CCSER1: variants seen among roughly 807,000 people sequenced by gnomAD.
CCSER1 encodes the protein serine-rich coiled-coil domain-containing protein 1.
Under a neutral mutation model 82.0 loss-of-function variants are expected in CCSER1, and 41 were observed. The ratio of observed to expected loss-of-function variants is 0.50; its 90% CI spans 0.39 to 0.65. The LOEUF (loss-of-function observed/expected upper bound fraction) is 0.65. Among genes scored for constraint, CCSER1 ranks in the 30% least tolerant of loss-of-function variants. CCSER1 has a pLI of 0.00. For synonymous variants in CCSER1, 414 were observed against 383.9 expected, an observed-to-expected ratio of 1.08 and a Z score of -0.92; for missense variants, 1,119 against 1,064.2, an observed-to-expected ratio of 1.05 and a Z score of -0.72.
chr4:90,998,030 T>A (rs1190475847), intron 9 of CCSER1, among the ~76,000 whole-genome samples: 2 of 152,174 alleles, frequency 1.3e-5, no homozygotes, highest in African/African-American at 4.8e-5. Flanking sequence ...ATAATGAAAT[T>A]TGCTTTAATT....
intron 3 of CCSER1, among the ~76,000 whole-genome samples, chr4:90,396,860 A>G (rs993916709): frequency 1.3e-5 from 2 of 151,220 alleles, no homozygotes; most frequent in African/African-American, 4.9e-5. Flanking sequence ...CTTGATTTTT[A>G]TTAGCATTAT....
chr4:91,421,661 G>A (rs1488049675), intron 10 of CCSER1, among the ~76,000 whole-genome samples: 1 of 151,990 alleles, frequency 6.6e-6, no homozygotes, highest in African/African-American at 2.4e-5. Context: ...TAAAATAAAC[G>A]ATGACAGGTA....
chr4:91,382,468 C>T (rs893355451), intron 10 of CCSER1, among the ~76,000 whole-genome samples: 1 of 152,170 alleles, frequency 6.6e-6, no homozygotes, highest in Admixed American at 6.5e-5. Flanking sequence ...ACTGTGCTAG[C>T]AATGAGTGAG....
intron 7 of CCSER1, among the ~76,000 whole-genome samples, chr4:90,809,803 G>T (rs1322997593): frequency 6.6e-6 from 1 of 152,066 alleles, no homozygotes; most frequent in Non-Finnish European, 1.5e-5. Context: ...GAGGCAGGAA[G>T]ATTACTTGAG....
At chr4:91,518,736 G>C (rs1760285163) in intron 10 of CCSER1, among the ~76,000 whole-genome samples, 2 of 152,344 alleles carry the variant, frequency 1.3e-5, no homozygotes. Flanking sequence ...AAGAGAAACA[G>C]GAGCAGAACC....
rs181803792 is a variant in CCSER1 at position 90,558,256 on chromosome 4, A to G, written c.1725-69769A>G. Among the ~76,000 whole-genome samples the G allele has an allele frequency of 8.5e-5, 13 of 152,298 alleles. No homozygotes were observed. In the East Asian group the frequency reaches 2.5e-3, roughly 29 times the overall value. On this transcript the variant is annotated intron_variant, in intron 5 of 10. Coordinates refer to ENST00000509176, the MANE Select transcript of CCSER1 (RefSeq NM_001145065.2). ...AATTAAAAAGAAAACAGACATTTGG[A>G]AATATTCTTTATAAAAACAATTATT...
chr4:91,136,179 A>G (rs1728452684), intron 10 of CCSER1, among the ~76,000 whole-genome samples: 1 of 152,110 alleles, frequency 6.6e-6, no homozygotes, highest in South Asian at 2.1e-4. Context: ...TCTCACATCA[A>G]CTTCTCACAG....
chr4:91,504,829 C>A (rs574984039), intron 10 of CCSER1, among the ~76,000 whole-genome samples: 1 of 152,240 alleles, frequency 6.6e-6, no homozygotes, highest in African/African-American at 2.4e-5. Flanking sequence ...AAGGAGTGTT[C>A]ACTTGAGTGA....
intron 7 of CCSER1, among the ~76,000 whole-genome samples, chr4:90,811,910 TACACACAC>T (rs67215286): frequency 0.25 from 27,662 of 112,724 alleles, 2,864 homozygotes; most frequent in East Asian, 0.37. Flanking sequence ...AATATATATA[TACACACAC>T]ACACACACAC....
At chr4:90,413,693 C>T (rs979235927) in intron 4 of CCSER1, among the ~76,000 whole-genome samples, 4 of 151,710 alleles carry the variant, frequency 2.6e-5, no homozygotes, top group Non-Finnish European at 5.9e-5. Flanking sequence ...TCCTCCCTCA[C>T]GCCTGTAATC....
chr4:90,232,155 A>G (rs918656224), intron 1 of CCSER1, among the ~76,000 whole-genome samples: 1 of 152,180 alleles, frequency 6.6e-6, no homozygotes, highest in African/African-American at 2.4e-5. Flanking sequence ...AAAAGAGCCC[A>G]CATCGCCAAG....
At chr4:90,207,070 T>C (rs1738997496) in intron 1 of CCSER1, among the ~76,000 whole-genome samples, 1 of 152,070 alleles carries the variant, frequency 6.6e-6, no homozygotes, top group African/African-American at 2.4e-5. Flanking sequence ...ATTTTGAGCC[T>C]GTTGTGTGTC....
At chr4:90,855,903 A>G (rs1580795052) in intron 8 of CCSER1, among the ~76,000 whole-genome samples, 1 of 152,132 alleles carries the variant, frequency 6.6e-6, no homozygotes, top group East Asian at 1.9e-4. Context: ...CATGTGAATG[A>G]CACTCATTCA....
chr4:90,475,149 C>T (rs998227966), intron 5 of CCSER1, among the ~76,000 whole-genome samples: 1 of 152,176 alleles, frequency 6.6e-6, no homozygotes, highest in African/African-American at 2.4e-5. Flanking sequence ...GTAAATTCCA[C>T]TTAGGTTCTT....
At chr4:90,231,942 AC>A (rs1388850829) in intron 1 of CCSER1, among the ~76,000 whole-genome samples, 10 of 151,158 alleles carry the variant, frequency 6.6e-5, no homozygotes, top group Non-Finnish European at 1.3e-4. Context: ...TTCAAGGAGA[AC>A]TACAAACCAC....
chr4:90,725,156 G>A (rs903686758), intron 7 of CCSER1: 3 of 205,038 alleles, frequency 1.5e-5, no homozygotes, highest in Admixed American at 5.3e-5. Flanking sequence ...TGATGTTACC[G>A]TTTTATGGTA....
Position 90,487,670 on chromosome 4 carries a change from G to A in CCSER1, c.1724+19316G>A, listed in dbSNP as rs1767325395. On this transcript the variant is annotated intron_variant, in intron 5 of 10. Transcript: ENST00000509176. ...CTTTGTTTGTTTGTTTGTTTGACAC[G>A]AAGTCTTGTTCTGTCACTAGGCTGG... Among the ~76,000 whole-genome samples, 3 of 152,102 alleles carry A rather than the reference G, an allele frequency of 2.0e-5. No homozygotes were observed. The South Asian group carries it at 6.2e-4, about 32-fold the overall frequency.
chr4:90,750,761 T>G (rs1051902330), intron 7 of CCSER1, among the ~76,000 whole-genome samples: 10 of 152,180 alleles, frequency 6.6e-5, no homozygotes, highest in African/African-American at 2.4e-4. Flanking sequence ...ACATTCAATT[T>G]TATATGAATA....
chr4:91,170,848 G>A (rs1398631586), intron 10 of CCSER1, among the ~76,000 whole-genome samples: 1 of 152,046 alleles, frequency 6.6e-6, no homozygotes, highest in Non-Finnish European at 1.5e-5. Context: ...ATTTTCTAAG[G>A]CAGCTGCTGA....
Sources: gnomAD v4.1 joint callset for allele counts (sites outside exome capture counted in the v4.1 genomes callset) on GRCh38, gnomAD v4.1.1 for gene constraint, MANE v1.5 for transcripts, NCBI Gene and HGNC (gene_info 2026-07-23, HGNC 2026-07-21) for gene names.